CBR3: variants seen among roughly 807,000 people sequenced by gnomAD.
CBR3 encodes carbonyl reductase 3.
A neutral mutation model predicts 11.6 loss-of-function variants in CBR3; 14 were observed. That is an observed-to-expected ratio of 1.20 (90% CI 0.79 to 1.88). The LOEUF (loss-of-function observed/expected upper bound fraction) is 1.88, where lower values mean the gene tolerates loss of function less well. CBR3 is among the 40% of genes most tolerant of loss of function. The pLI is 0.00. For missense variants in CBR3, 308 were observed against 357.3 expected, an observed-to-expected ratio of 0.86 and a Z score of 1.11; for synonymous variants, 125 against 145.6, an observed-to-expected ratio of 0.86 and a Z score of 1.02.
intron 1 of CBR3, among the ~76,000 whole-genome samples, chr21:36,136,345 G>T (rs879894): frequency 0.39 from 58,189 of 150,848 alleles, 11,560 homozygotes; most frequent in South Asian, 0.5. Flanking sequence ...AAATAAACAG[G>T]CCGGCTTCAC....
intron 2 of CBR3, chr21:36,141,717 G>C (rs1482215091): frequency 6.5e-6 from 1 of 153,716 alleles, no homozygotes; most frequent in Non-Finnish European, 1.4e-5. Context: ...CTCAGTGGAG[G>C]GTGGTGTGGG....
chr21:36,139,772 T>C (rs932263056), intron 2 of CBR3, among the ~76,000 whole-genome samples: 1 of 151,502 alleles, frequency 6.6e-6, no homozygotes, highest in African/African-American at 2.4e-5. Context: ...CTTTGGGAGG[T>C]TGAGGCAGGA....
rs746222117 is a variant in CBR3 at position 36,146,191 on chromosome 21, C to T, written c.513C>T (p.Leu171=). 2 of 1,614,072 alleles carry T rather than the reference C, an allele frequency of 1.2e-6. No individual in the cohort carries two copies. The highest frequency in any genetic ancestry group is 1.7e-6 in the Non-Finnish European group (2 of 1,180,024). Residue 171 remains leucine (L), a synonymous_variant, in exon 3 of 3, where the codon CTC becomes CTT. Transcript: ENST00000290354. ...ETLTEGDLVD[L]MKKFVEDTKN... ...TCACAGAAGGAGACCTGGTGGATCT[C>T]ATGAAAAAGTTTGTGGAGGACACAA...
At chr21:36,138,073 TCCCACAG>T (rs2123339343) in intron 2 of CBR3, 141 bp downstream of exon 2, 1 of 622,828 alleles carries the variant, frequency 1.6e-6, no homozygotes, top group Admixed American at 2.8e-5. Flanking sequence ...TGCTTCATTT[TCCCACAG>T]TGTTTGGCTT....
At chr21:36,137,075 C>T (rs1170884090) in intron 1 of CBR3, 1 of 151,260 alleles carries the variant, frequency 6.6e-6, no homozygotes, top group Non-Finnish European at 1.5e-5. Flanking sequence ...AACAGAATCC[C>T]CAGCTCCCTC....
At position 36,135,244 on chromosome 21, in the gene CBR3, G is replaced by C. The variant is rs1296226358; in HGVS notation, c.52G>C (p.Gly18Arg). ...GGTGACCGGGGCCAACAGGGGCATCGGCTTGGCCATCGCGCGCGAACTGTG... is the reference window on the plus strand; with the variant it reads ...GGTGACCGGGGCCAACAGGGGCATCCGCTTGGCCATCGCGCGCGAACTGTG... Reference protein sequence around the residue: ...ALVTGANRGIGLAIARELCRQ... With the variant: ...ALVTGANRGIRLAIARELCRQ... Residue 18 changes from glycine (G) to arginine (R), a missense_variant, in exon 1 of 3, where the codon GGC (glycine) becomes CGC (arginine). Physicochemically the swap from Gly to Arg is moderately radical, Grantham distance 125. Transcript: ENST00000290354. 6.4e-7 allele frequency: 1 copy of C among 1,573,790 alleles called. No individual in the cohort carries two copies. Among genetic ancestry groups the C allele is most frequent in the South Asian group, 1.2e-5 (1 of 86,316 alleles).
At chr21:36,144,188 G>A (rs2065736665) in intron 2 of CBR3, among the ~76,000 whole-genome samples, 1 of 152,126 alleles carries the variant, frequency 6.6e-6, no homozygotes, top group Non-Finnish European at 1.5e-5. Context: ...GGCACACGGT[G>A]GCTCACACCT....
At chr21:36,144,233 G>T (rs2123351704) in intron 2 of CBR3, among the ~76,000 whole-genome samples, 1 of 152,200 alleles carries the variant, frequency 6.6e-6, no homozygotes, top group South Asian at 2.1e-4. Context: ...AAAGCGGGCG[G>T]ATCTCTTGAG....
Position 36,135,118 on chromosome 21 carries a change from T to G in CBR3, c.-75T>G. ...GCGGCGGCATTGACACTAGCTGGGC[T>G]CCTCGGGGCGCGCCCCAGGTGGTCC... is the stretch of plus-strand genomic sequence containing the variant. On this transcript the variant is annotated 5_prime_UTR_variant, in exon 1 of 3. Transcript: ENST00000290354. 1 of 1,356,986 alleles carries G rather than the reference T, an allele frequency of 7.4e-7. No individual in the cohort carries two copies. 84.1% of individuals were successfully genotyped at this position (1,356,986 alleles called of 1,614,324 possible).
At position 36,144,171 on chromosome 21, in the gene CBR3, C is replaced by T. The variant is rs373874376; in HGVS notation, c.398-1905C>T. 4.6e-5 allele frequency among the ~76,000 whole-genome samples: 7 copies of T among 151,804 alleles called. No homozygotes were observed. In the South Asian group the frequency reaches 1.3e-3, roughly 27 times the overall value. ...AGGAGCAGTTTTATAAAACTGCCAG[C>T]GGGCTGGGCACACGGTGGCTCACAC... On this transcript the variant is annotated intron_variant, in intron 2 of 2. Coordinates refer to ENST00000290354, the MANE Select transcript of CBR3 (RefSeq NM_001236.4).
At position 36,135,115 on chromosome 21, in the gene CBR3, G is replaced by C; in HGVS notation, c.-78G>C. ...TGCGCGGCGGCATTGACACTAGCTG[G>C]GCTCCTCGGGGCGCGCCCCAGGTGG... On this transcript the variant is annotated 5_prime_UTR_variant, in exon 1 of 3. Coordinates refer to ENST00000290354, the MANE Select transcript of CBR3 (RefSeq NM_001236.4). 7.4e-7 allele frequency: 1 copy of C among 1,345,034 alleles called. No individual in the cohort carries two copies. Among genetic ancestry groups the C allele is most frequent in the Non-Finnish European group, 9.7e-7 (1 of 1,033,374 alleles). The allele number at this position is 1,345,034 out of a possible 1,614,324, so 83.3% of individuals were successfully genotyped here.
At chr21:36,143,689 G>C (rs999817551) in intron 2 of CBR3, among the ~76,000 whole-genome samples, 1 of 151,996 alleles carries the variant, frequency 6.6e-6, no homozygotes, top group Non-Finnish European at 1.5e-5. Context: ...CGACCAGCCC[G>C]GCCAACATGG....
rs2065649116 is a variant in CBR3, at chr21:36,135,265, C to T, written c.73C>T (p.Leu25=). ...CATCGGCTTGGCCATCGCGCGCGAACTGTGCCGACAGTTCTCTGGGGATGT... is the reference window on the plus strand; with the variant it reads ...CATCGGCTTGGCCATCGCGCGCGAATTGTGCCGACAGTTCTCTGGGGATGT... ...RGIGLAIARE[L]CRQFSGDVVL... is the part of the protein sequence containing the mutation. Residue 25 remains leucine (L), a synonymous_variant, in exon 1 of 3, where the codon CTG becomes TTG. Coordinates refer to ENST00000290354, the MANE Select transcript of CBR3 (RefSeq NM_001236.4). 5.6e-6 allele frequency: 9 copies of T among 1,597,598 alleles called. No homozygotes were observed. The East Asian group carries it at 2.0e-4, about 36-fold the overall frequency.
At chr21:36,139,881 C>CTTTT (rs10689993) in intron 2 of CBR3, among the ~76,000 whole-genome samples, 1,947 of 89,848 alleles carry the variant, frequency 0.022, 141 homozygotes, top group African/African-American at 0.056. Flanking sequence ...GATGCAAAAC[C>CTTTT]TTTTTTTTTT....
rs548362820 is a variant in CBR3 at position 36,146,427 on chromosome 21, C to A, written c.749C>A (p.Thr250Asn). 3.1e-6 allele frequency: 5 copies of A among 1,614,168 alleles called. No homozygotes were observed. The South Asian group carries it at 5.5e-5, about 18-fold the overall frequency. ...AGGACTGTGGAGGAGGGGGCTGAGA[C>A]CCCTGTCTACTTGGCCCTCTTGCCT... ...SIRTVEEGAETPVYLALLPPD... is the reference protein window; with the variant it reads ...SIRTVEEGAENPVYLALLPPD... The change falls in exon 3 of 3, where the codon ACC becomes AAC. Residue 250 changes from threonine (T) to asparagine (N), a missense_variant. Transcript: ENST00000290354.
rs2065652567 is a variant in CBR3, at chr21:36,135,556, C to G, written c.289+75C>G. 7 of 1,392,488 alleles carry G rather than the reference C, an allele frequency of 5.0e-6. 1 individual carries two copies. In the South Asian group the frequency reaches 9.9e-5, roughly 20 times the overall value. 86.3% of individuals were successfully genotyped at this position (1,392,488 alleles called of 1,614,324 possible). A position where few individuals can be genotyped will look rare whatever the true frequency, so the allele number is the denominator to read the frequency against. Reference sequence around the variant, plus strand: ...GAGGTGGCCAGCCGCAGGCTCCCCACCCGTCCACTTGAGTGACCGAGGAGG... The same window carrying G: ...GAGGTGGCCAGCCGCAGGCTCCCCAGCCGTCCACTTGAGTGACCGAGGAGG... On this transcript the variant is annotated intron_variant, in intron 1 of 2. Coordinates refer to ENST00000290354, the MANE Select transcript of CBR3 (RefSeq NM_001236.4).
At chr21:36,139,927 G>A (rs905165575) in intron 2 of CBR3, among the ~76,000 whole-genome samples, 6 of 119,086 alleles carry the variant, frequency 5.0e-5, no homozygotes, top group East Asian at 2.7e-4. Flanking sequence ...TCCCTCCGTC[G>A]CCCAGACTGG....
chr21:36,141,874 G>T (rs45614331), intron 2 of CBR3: 57,025 of 957,742 alleles, frequency 0.06, 1,919 homozygotes, highest in Non-Finnish European at 0.065. Flanking sequence ...CAGCTTCTAT[G>T]ATCTGTGTTT....
rs1568977044 is a variant in CBR3, at chr21:36,135,147, G to C, written c.-46G>C. 1 of 1,412,114 alleles carries C rather than the reference G, an allele frequency of 7.1e-7. No homozygotes were observed. The highest frequency in any genetic ancestry group is 2.8e-5 in the East Asian group (1 of 35,876). The allele number at this position is 1,412,114 out of a possible 1,614,324, so 87.5% of individuals were successfully genotyped here. A position where few individuals can be genotyped will look rare whatever the true frequency, so the allele number is the denominator to read the frequency against. On this transcript the variant is annotated 5_prime_UTR_variant, in exon 1 of 3. Transcript: ENST00000290354. ...CGGGGCGCGCCCCAGGTGGTCCGAA[G>C]CCCGGTCCGCCCTCCACGCAGGTGC...
Sources: allele counts gnomAD v4.1 joint callset (sites outside exome capture counted in the v4.1 genomes callset), GRCh38; gene constraint gnomAD v4.1.1; transcripts MANE v1.5; gene names NCBI Gene and HGNC (gene_info 2026-07-23, HGNC 2026-07-21).